KANK2: variants seen among roughly 807,000 people sequenced by gnomAD.
KANK2 encodes the protein KN motif and ankyrin repeat domain-containing protein 2.
Under a neutral mutation model 74.6 loss-of-function variants are expected in KANK2, and 41 were observed. The ratio of observed to expected loss-of-function variants is 0.55; its 90% CI spans 0.43 to 0.71. The LOEUF (loss-of-function observed/expected upper bound fraction) is 0.71, where lower values mean the gene tolerates loss of function less well. Ranked by LOEUF, KANK2 falls within the 30% of genes least tolerant of loss-of-function variation. KANK2 has a pLI of 0.00. For missense variants in KANK2, 1,148 were observed against 1,196.4 expected (o/e 0.96, Z 0.60); for synonymous variants, 537 against 519.0 (o/e 1.03, Z -0.47).
chr19:11,174,212 C>T (rs1445458857), intron 9 of KANK2, among the ~76,000 whole-genome samples: 1 of 152,150 alleles, frequency 6.6e-6, no homozygotes, highest in East Asian at 1.9e-4. Flanking sequence ...ACTGGGAGGG[C>T]CATATACCCC....
intron 9 of KANK2, 89 bp downstream of exon 9, chr19:11,174,384 G>A: frequency 9.5e-7 from 1 of 1,056,192 alleles, no homozygotes; most frequent in Middle Eastern, 2.7e-4. Context: ...TTCCCCATCA[G>A]ATGGGGAGGG....
chr19:11,187,693 C>A (rs111279811), intron 4 of KANK2, among the ~76,000 whole-genome samples: 1 of 152,188 alleles, frequency 6.6e-6, no homozygotes, highest in Non-Finnish European at 1.5e-5. Context: ...ATATTGTCTA[C>A]GGCTGCTTTT....
chr19:11,183,020 A>G (rs1234947941), intron 4 of KANK2, among the ~76,000 whole-genome samples: 2 of 152,162 alleles, frequency 1.3e-5, no homozygotes, highest in Non-Finnish European at 2.9e-5. Context: ...AATAAAATTG[A>G]TGATACTTAT....
intron 3 of KANK2, 116 bp from the exon 4 acceptor site, chr19:11,194,158 G>T: frequency 8.9e-7 from 1 of 1,122,258 alleles, no homozygotes; most frequent in Non-Finnish European, 1.2e-6. Context: ...AGCCCACCTG[G>T]TACTCAACCG....
intron 4 of KANK2, among the ~76,000 whole-genome samples, chr19:11,181,692 G>A (rs34305812): frequency 0.067 from 10,160 of 152,018 alleles, 394 homozygotes; most frequent in Admixed American, 0.09. Context: ...TGACAGTTGC[G>A]CAACAGTGTG....
intron 1 of KANK2, chr19:11,196,899 G>C (rs984147827): frequency 1.3e-5 from 2 of 151,850 alleles, no homozygotes; most frequent in Non-Finnish European, 2.9e-5. Flanking sequence ...GTGGTGGTGG[G>C]GGGGGGTCTT....
rs368328659 is a variant in KANK2, at chr19:11,170,098, C to T, written c.2362G>A (p.Ala788Thr). Reference protein sequence around the residue: ...CACEHGHKEIAGLLLAVPSCD... With the variant: ...CACEHGHKEITGLLLAVPSCD... ...CTGGGCACGGCCAGCAGCAGCCCCG[C>T]GATCTCCTTGTGGCCGTGCTCACAG... Residue 788 changes from alanine (A) to threonine (T), a missense_variant, in exon 11 of 13, where the codon GCG becomes ACG. Coordinates refer to ENST00000586659, the MANE Select transcript of KANK2 (RefSeq NM_001136191.3). The surrounding 1 kb of genome is among the most constrained non-coding windows in gnomAD (Gnocchi z 5.2). 55 of 1,613,604 alleles carry T rather than the reference C, an allele frequency of 3.4e-5. 1 individual carries two copies. Among genetic ancestry groups the T allele is most frequent in the Middle Eastern group, 3.3e-4 (2 of 6,060 alleles).
rs2077994499 is a variant in KANK2 at position 11,165,076 on chromosome 19, G to A, written c.*1482C>T. On this transcript the variant is annotated 3_prime_UTR_variant, in exon 13 of 13. Coordinates refer to ENST00000586659, the MANE Select transcript of KANK2 (RefSeq NM_001136191.3). ...CTTTCTGTTGCTCACCAAGGAAAAG[G>A]CACAAGAAAGACAATGATGTGGAGA... The A allele has an allele frequency of 6.6e-6, 1 of 152,114 alleles. No homozygotes were observed. Among genetic ancestry groups the A allele is most frequent in the Admixed American group, 6.6e-5 (1 of 15,262 alleles). The allele number at this position is 152,114 out of a possible 1,614,324, so 9.4% of individuals were successfully genotyped here. A position where few individuals can be genotyped will look rare whatever the true frequency, so the allele number is the denominator to read the frequency against.
chr19:11,185,922 T>G (rs1176713941), intron 4 of KANK2, among the ~76,000 whole-genome samples: 1 of 152,154 alleles, frequency 6.6e-6, no homozygotes, highest in Non-Finnish European at 1.5e-5. Context: ...TCCTAGCTAC[T>G]CAGGAGGCTG....
In KANK2 at chr19:11,170,248, C is replaced by G. The variant is rs1383106610; in HGVS notation, c.2212G>C (p.Ala738Pro). Residue 738 changes from alanine (A) to proline (P), a missense_variant and splice_region_variant, in exon 11 of 13, where the codon GCA becomes CCA. By Grantham distance (27) the Ala-to-Pro change is conservative (BLOSUM62 -1). Transcript: ENST00000586659. The surrounding 1 kb of genome is among the most constrained non-coding windows in gnomAD (Gnocchi z 5.2). ...GCCAGCATCAGGGCCGTCTGTCCTG[C>G]CTGGGGAGGGCAAGGAACAGGATTA... The part of the protein sequence containing the change: ...LGNINAKASQ[A>P]GQTALMLAVS... The G allele has an allele frequency of 6.8e-6, 11 of 1,608,882 alleles. No individual in the cohort carries two copies. The highest frequency in any genetic ancestry group is 9.3e-6 in the Non-Finnish European group (11 of 1,179,930).
At chr19:11,194,841 T>G in intron 2 of KANK2, 5 of 235,580 alleles carry the variant, frequency 2.1e-5, no homozygotes, top group Admixed American at 4.3e-5. Flanking sequence ...GCTCCAGCTG[T>G]TCCCATAGCC....
Position 11,193,358 on chromosome 19 carries a change from G to A in KANK2, c.722C>T (p.Ala241Val), listed in dbSNP as rs201281642. The change falls in exon 4 of 13, where the codon GCG becomes GTG. Residue 241 changes from alanine to valine, a missense_variant. By Grantham distance (64) the Ala-to-Val change is moderately conservative. Transcript: ENST00000586659. The surrounding 1 kb of genome is among the most constrained non-coding windows in gnomAD (Gnocchi z 9.6). ...GCAGAGCTCGCTGCGACCCCGGCCC[G>A]CTGTGGGGTGGCCCAGGAACTTCTG... ...KSQKFLGHPTAGRGRSELCLD... is the reference protein window; with the variant it reads ...KSQKFLGHPTVGRGRSELCLD... 7.7e-5 allele frequency: 124 copies of A among 1,612,870 alleles called. 1 individual carries two copies. Among genetic ancestry groups the A allele is most frequent in the South Asian group, 6.6e-4 (60 of 91,070 alleles).
Position 11,188,675 on chromosome 19 carries a change from T to C in KANK2, c.1249+4156A>G, listed in dbSNP as rs146752281. Among the ~76,000 whole-genome samples the C allele has an allele frequency of 6.6e-5, 10 of 152,132 alleles. No homozygotes were observed. The East Asian group carries it at 1.9e-3, about 29-fold the overall frequency. ...CCACCTCTTCTGGTGACTTCTTTCA[T>C]GTCTTCATTCAAAGATGCTCCTTGG... On this transcript the variant is annotated intron_variant, in intron 4 of 12. Coordinates refer to ENST00000586659, the MANE Select transcript of KANK2 (RefSeq NM_001136191.3).
At chr19:11,178,149 C>G (rs1273375311) in intron 6 of KANK2, among the ~76,000 whole-genome samples, 196 bp downstream of exon 6, 1 of 152,188 alleles carries the variant, frequency 6.6e-6, no homozygotes, top group Non-Finnish European at 1.5e-5. Context: ...GGGCTGACTC[C>G]TGGGTCACTG....
Position 11,193,682 on chromosome 19 carries a change from C to T in KANK2, c.398G>A (p.Arg133His), listed in dbSNP as rs777666066. The change falls in exon 4 of 13, where the codon CGC becomes CAC. Residue 133 changes from arginine (R) to histidine (H), a missense_variant. Transcript: ENST00000586659. This position sits in a 1 kb window ranked among gnomAD's most constrained non-coding sequence, Gnocchi z 9.6. ...TGTGGCCGCCTGGTCCTCGAGACGG[C>T]GACGGGCATCCAGCAGCGTGCGCTC... ...RVERTLLDAR[R>H]RLEDQAATPT... The T allele has an allele frequency of 4.5e-5, 73 of 1,607,072 alleles. No individual in the cohort carries two copies. Among genetic ancestry groups the T allele is most frequent in the African/African-American group, 9.4e-5 (7 of 74,768 alleles).
In KANK2 at chr19:11,176,574, T is replaced by C; in HGVS notation, c.1760+4A>G. On this transcript the variant is annotated splice_donor_region_variant and intron_variant, in intron 7 of 12. Transcript: ENST00000586659. ...CCTGAATCCCTCCTACCCAGAAAAC[T>C]GACCTGATCTCCTCCTCCGTGTTTG... The C allele has an allele frequency of 1.3e-6, 2 of 1,570,976 alleles. No individual in the cohort carries two copies. Among genetic ancestry groups the C allele is most frequent in the Non-Finnish European group, 1.7e-6 (2 of 1,154,526 alleles).
At position 11,174,426 on chromosome 19, in the gene KANK2, G is replaced by A. The variant is rs367750350; in HGVS notation, c.2068+47C>T. 4.8e-6 allele frequency: 7 copies of A among 1,472,454 alleles called. No individual in the cohort carries two copies. The African/African-American group carries it at 8.4e-5, about 18-fold the overall frequency. 91.2% of individuals were successfully genotyped at this position (1,472,454 alleles called of 1,614,324 possible). A position where few individuals can be genotyped will look rare whatever the true frequency, so the allele number is the denominator to read the frequency against. On this transcript the variant is annotated intron_variant, in intron 9 of 12. Transcript: ENST00000586659. ...CTTCCCTATCAGACTGGGCATGGCG[G>A]ACAGCTGGCTGGTTTAGAGCCGCCT... is the stretch of plus-strand genomic sequence containing the variant.
rs1403839202 is a variant in KANK2, at chr19:11,170,203, C to T, written c.2257G>A (p.Asp753Asn). Residue 753 changes from aspartate (D) to asparagine (N), a missense_variant, in exon 11 of 13, where the codon GAC becomes AAC. By Grantham distance (23) the Asp-to-Asn change is conservative. Coordinates refer to ENST00000586659, the MANE Select transcript of KANK2 (RefSeq NM_001136191.3). The surrounding 1 kb of genome is among the most constrained non-coding windows in gnomAD (Gnocchi z 5.2). ...LMLAVSHGRVDVVKALLACEA... is the reference protein window; with the variant it reads ...LMLAVSHGRVNVVKALLACEA... ...CAGGCCAGCAGGGCTTTGACAACGTCCACCCGCCCGTGGCTGACGGCCAGC... is the reference window on the plus strand; with the variant it reads ...CAGGCCAGCAGGGCTTTGACAACGTTCACCCGCCCGTGGCTGACGGCCAGC... The T allele has an allele frequency of 6.2e-7, 1 of 1,611,342 alleles. No homozygotes were observed. The highest frequency in any genetic ancestry group is 8.5e-7 in the Non-Finnish European group (1 of 1,180,010).
At chr19:11,186,026 G>C (rs912650873) in intron 4 of KANK2, among the ~76,000 whole-genome samples, 1 of 151,748 alleles carries the variant, frequency 6.6e-6, no homozygotes, top group African/African-American at 2.4e-5. Context: ...ATGAGACCCT[G>C]TCTCAAAAAA....
Sources: gnomAD v4.1 joint callset for allele counts (sites outside exome capture counted in the v4.1 genomes callset) on GRCh38, gnomAD v4.1.1 for gene constraint, Gnocchi (gnomAD v3.1) non-coding constraint, MANE v1.5 for transcripts, NCBI Gene and HGNC (gene_info 2026-07-23, HGNC 2026-07-21) for gene names.